The following PTPRN2 variants were observed in gnomAD, a reference collection of about 807,000 sequenced individuals.
PTPRN2 encodes the protein protein tyrosine phosphatase receptor type N2.
In PTPRN2, 74 loss-of-function variants were observed where a neutral mutation model predicts 118.8. The ratio of observed to expected loss-of-function variants is 0.62; its 90% CI spans 0.52 to 0.76. The LOEUF is 0.76. Ranked by LOEUF, PTPRN2 falls within the 30% of genes least tolerant of loss-of-function variation. The probability of loss-of-function intolerance (pLI) is 0.00; values close to 1 mark genes in which losing one functional copy is unlikely to be tolerated. For missense variants in PTPRN2, 1,481 were observed against 1,394.4 expected (o/e 1.06, Z -0.99); for synonymous variants, 641 against 608.0 (o/e 1.05, Z -0.80).
chr7:158,008,713 G>A (rs184307333), intron 11 of PTPRN2, among the ~76,000 whole-genome samples: 72 of 152,362 alleles, frequency 4.7e-4, no homozygotes, highest in African/African-American at 1.5e-3. Flanking sequence ...TTCACACAGC[G>A]CTTGGCGCAT....
chr7:157,642,831 AAAAAAAAAAAAAAG>A (rs1173199173), intron 14 of PTPRN2, among the ~76,000 whole-genome samples: 5 of 144,392 alleles, frequency 3.5e-5, no homozygotes, highest in East Asian at 3.9e-4. Flanking sequence ...AAAAAAAAAA[AAAAAAAAAAAAAAG>A]CAGCTAAAAC....
rs549542186 is a variant in PTPRN2, at chr7:157,611,705, A to G, written c.2345-7630T>C. On this transcript the variant is annotated intron_variant, in intron 15 of 22. Coordinates refer to ENST00000389418, the MANE Select transcript of PTPRN2 (RefSeq NM_002847.5). This position sits in a 1 kb window ranked among gnomAD's most constrained non-coding sequence, Gnocchi z 5.9. ...CGGGAGGGAGAGCGCCCGTGTGAAGACGAAGACAGCCGCGGTCATGCTGGG... is the reference window on the plus strand; with the variant it reads ...CGGGAGGGAGAGCGCCCGTGTGAAGGCGAAGACAGCCGCGGTCATGCTGGG... 1.3e-5 allele frequency among the ~76,000 whole-genome samples: 2 copies of G among 152,108 alleles called. No homozygotes were observed. The highest frequency in any genetic ancestry group is 1.9e-4 in the East Asian group (1 of 5,144).
chr7:158,081,459 G>C, intron 10 of PTPRN2, 82 bp from the exon 11 acceptor site: 1 of 1,387,954 alleles, frequency 7.2e-7, no homozygotes, highest in Non-Finnish European at 1.0e-6. Flanking sequence ...GAAAACACTG[G>C]TGTGTTTTTA....
Position 158,417,028 on chromosome 7 carries a change from C to G in PTPRN2, c.163+72707G>C, listed in dbSNP as rs147876239. 4.3e-3 allele frequency among the ~76,000 whole-genome samples: 509 copies of G among 119,420 alleles called. 5 individuals carry two copies. The highest frequency in any genetic ancestry group is 0.013 in the African/African-American group (462 of 36,826). 78.3% of individuals were successfully genotyped at this position (119,420 alleles called of 152,430 possible). The stretch of plus-strand genomic sequence containing the variant: ...CTACATCGAGATGCTCTACCTCTCA[C>G]TGTCCCCCTGTGCTAAGTCACAGTG... On this transcript the variant is annotated intron_variant, in intron 2 of 22. Coordinates refer to ENST00000389418, the MANE Select transcript of PTPRN2 (RefSeq NM_002847.5).
chr7:157,709,654 T>C (rs940817860), intron 12 of PTPRN2, among the ~76,000 whole-genome samples: 1 of 152,172 alleles, frequency 6.6e-6, no homozygotes, highest in South Asian at 2.1e-4. Flanking sequence ...TCCTGCTACA[T>C]GGGAAGGAGC....
At chr7:158,060,948 G>A (rs1028547011) in intron 11 of PTPRN2, among the ~76,000 whole-genome samples, 59 of 152,222 alleles carry the variant, frequency 3.9e-4, no homozygotes, top group African/African-American at 1.4e-3. Flanking sequence ...TTTCAGCGCA[G>A]TATTTATGAG....
At chr7:158,524,518 G>C (rs1433000766) in intron 1 of PTPRN2, among the ~76,000 whole-genome samples, 2 of 135,048 alleles carry the variant, frequency 1.5e-5, no homozygotes, top group Non-Finnish European at 3.2e-5. Flanking sequence ...GTCTGCCCTG[G>C]AGTGGAGTCT....
intron 12 of PTPRN2, among the ~76,000 whole-genome samples, chr7:157,807,862 G>C (rs149294025): frequency 6.6e-6 from 1 of 152,206 alleles, no homozygotes; most frequent in Non-Finnish European, 1.5e-5. Flanking sequence ...CTCATGGCAC[G>C]TCAGGCTCTG....
chr7:157,640,987 A>G (rs1804632931), intron 14 of PTPRN2, among the ~76,000 whole-genome samples: 1 of 152,194 alleles, frequency 6.6e-6, no homozygotes, highest in African/African-American at 2.4e-5. Flanking sequence ...ACCTCATAAA[A>G]TGAGAGTCGG....
At chr7:158,199,422 G>A (rs1006723422) in intron 4 of PTPRN2, among the ~76,000 whole-genome samples, 2 of 152,228 alleles carry the variant, frequency 1.3e-5, no homozygotes, top group Non-Finnish European at 1.5e-5. Context: ...TGTGGGAAGA[G>A]AAGAACCAGC....
At chr7:157,719,418 A>G (rs1392014659) in intron 12 of PTPRN2, among the ~76,000 whole-genome samples, 2 of 152,230 alleles carry the variant, frequency 1.3e-5, no homozygotes, top group East Asian at 1.9e-4. Context: ...CACTGCCGTC[A>G]TGCGCTCCAG....
intron 3 of PTPRN2, among the ~76,000 whole-genome samples, chr7:158,246,583 A>G (rs1796264584): frequency 6.6e-6 from 1 of 151,534 alleles, no homozygotes; most frequent in Non-Finnish European, 1.5e-5. Flanking sequence ...AAGTAGGACA[A>G]TCTGTATTTT....
intron 6 of PTPRN2, among the ~76,000 whole-genome samples, chr7:158,143,270 G>A (rs577394644): frequency 6.6e-5 from 10 of 152,328 alleles, no homozygotes; most frequent in African/African-American, 2.4e-4. Context: ...GAGTTCTGAA[G>A]GGTCCCGGGC....
intron 2 of PTPRN2, among the ~76,000 whole-genome samples, chr7:158,348,332 G>T (rs867300493): frequency 0.013 from 1,564 of 120,870 alleles, 109 homozygotes; most frequent in Middle Eastern, 0.032. Context: ...CCACCCTGGG[G>T]TCCCCATTCA....
chr7:157,648,542 ACTGTGC>A (rs1805311695), intron 14 of PTPRN2, among the ~76,000 whole-genome samples: 1 of 131,804 alleles, frequency 7.6e-6, no homozygotes, highest in Non-Finnish European at 1.6e-5. Flanking sequence ...AGACCCTTTC[ACTGTGC>A]ACTGAACTCG....
chr7:158,190,565 C>A (rs1825678196), intron 5 of PTPRN2, among the ~76,000 whole-genome samples: 1 of 152,124 alleles, frequency 6.6e-6, no homozygotes, highest in African/African-American at 2.4e-5. Context: ...GTGAGCCTAA[C>A]CTTAGAGGGA....
intron 11 of PTPRN2, among the ~76,000 whole-genome samples, chr7:157,932,096 A>AT (rs1210592523): frequency 6.6e-6 from 1 of 152,160 alleles, no homozygotes; most frequent in Non-Finnish European, 1.5e-5. Flanking sequence ...TTACACTGAT[A>AT]TTTGTGCTTT....
At chr7:158,035,605 C>CGTCCACAG (rs1177625654) in intron 11 of PTPRN2, among the ~76,000 whole-genome samples, 1 of 152,206 alleles carries the variant, frequency 6.6e-6, no homozygotes. Flanking sequence ...GCCAACAACC[C>CGTCCACAG]GTCCACAGGC....
intron 2 of PTPRN2, among the ~76,000 whole-genome samples, chr7:158,445,180 C>G (rs1443597762): frequency 6.6e-6 from 1 of 152,202 alleles, no homozygotes; most frequent in Non-Finnish European, 1.5e-5. Flanking sequence ...GTGACACAGC[C>G]CCTCAGCCCC....
Sources: allele counts gnomAD v4.1 joint callset (sites outside exome capture counted in the v4.1 genomes callset), GRCh38; gene constraint gnomAD v4.1.1; non-coding constraint Gnocchi (gnomAD v3.1); transcripts MANE v1.5; gene names NCBI Gene and HGNC (gene_info 2026-07-23, HGNC 2026-07-21).